Variants in RAD21L1 observed in about 807,000 individuals in gnomAD.
RAD21L1 encodes RAD21 cohesin complex component like 1.
A neutral mutation model predicts 69.0 loss-of-function variants in RAD21L1; 47 were observed. That is an observed-to-expected ratio of 0.68 (90% CI 0.54 to 0.87). The LOEUF (loss-of-function observed/expected upper bound fraction) is 0.87, where lower values mean the gene tolerates loss of function less well. Ranked by LOEUF, RAD21L1 falls within the 40% of genes least tolerant of loss-of-function variation. The probability of loss-of-function intolerance (pLI) is 0.00; values close to 1 mark genes in which losing one functional copy is unlikely to be tolerated. For synonymous variants in RAD21L1, 177 were observed against 205.8 expected (o/e 0.86, Z 1.20); for missense variants, 583 against 647.6 (o/e 0.90, Z 1.08).
intron 2 of RAD21L1, among the ~76,000 whole-genome samples, chr20:1,228,825 G>A (rs1188507465): frequency 6.6e-6 from 1 of 152,118 alleles, no homozygotes; most frequent in Non-Finnish European, 1.5e-5. Context: ...AAGGGACAAA[G>A]GCCATATTTT....
At chr20:1,242,481 C>T in intron 8 of RAD21L1, 138 bp from the exon 9 acceptor site, 1 of 676,586 alleles carries the variant, frequency 1.5e-6, no homozygotes, top group South Asian at 1.8e-5. Context: ...AATCCGCCCA[C>T]CTCAGCCTCT....
At chr20:1,251,421 C>T (rs2087830613) in intron 13 of RAD21L1, among the ~76,000 whole-genome samples, 3 of 149,386 alleles carry the variant, frequency 2.0e-5, no homozygotes, top group Admixed American at 1.3e-4. Flanking sequence ...TTCTTTTATA[C>T]AGAAATTTCA....
At position 1,243,175 on chromosome 20, in the gene RAD21L1, G is replaced by A; in HGVS notation, c.1162G>A (p.Val388Met). Residue 388 changes from valine (V) to methionine (M), a missense_variant, in exon 10 of 14, where the codon GTG becomes ATG. By Grantham distance (21) the Val-to-Met change is conservative. Coordinates refer to ENST00000683101, the MANE Select transcript of RAD21L1 (RefSeq NM_001384355.1). ...ACAGAAGGAGTCAGTAAGGGAAGAA[G>A]TGGGAAACCAAAATATAGTAGGTGA... ...MIQKESVREE[V>M]GNQNIVETSM... 1 of 1,526,650 alleles carries A rather than the reference G, an allele frequency of 6.6e-7. No individual in the cohort carries two copies. Among genetic ancestry groups the A allele is most frequent in the South Asian group, 1.2e-5 (1 of 80,846 alleles). 94.6% of individuals were successfully genotyped at this position (1,526,650 alleles called of 1,614,324 possible).
At chr20:1,247,957 C>G (rs894584910) in intron 12 of RAD21L1, among the ~76,000 whole-genome samples, 2 of 146,242 alleles carry the variant, frequency 1.4e-5, no homozygotes, top group African/African-American at 5.1e-5. Flanking sequence ...AGTTTCTGTT[C>G]TCACATCATA....
intron 12 of RAD21L1, among the ~76,000 whole-genome samples, chr20:1,247,387 G>T (rs990731098): frequency 6.6e-6 from 1 of 152,062 alleles, no homozygotes; most frequent in Non-Finnish European, 1.5e-5. Flanking sequence ...TTAACAAAGA[G>T]GTTTTTACAT....
chr20:1,235,218 T>C (rs1223522797), intron 5 of RAD21L1, among the ~76,000 whole-genome samples: 1 of 152,170 alleles, frequency 6.6e-6, no homozygotes, highest in African/African-American at 2.4e-5. Flanking sequence ...TTTCCTATAG[T>C]GCCCAAAACA....
chr20:1,254,475 A>G lies in RAD21L1; in HGVS notation c.*18A>G, dbSNP rs796427722. The G allele has an allele frequency of 3.4e-6, 5 of 1,451,496 alleles. No homozygotes were observed. In the African/African-American group the frequency reaches 4.3e-5, roughly 12 times the overall value. The allele number at this position is 1,451,496 out of a possible 1,614,324, so 89.9% of individuals were successfully genotyped here. ...ACATATGAAGGAAACCCAGACATACAGATTTATGGCATCACTGGAATTTCT... is the reference window on the plus strand; with the variant it reads ...ACATATGAAGGAAACCCAGACATACGGATTTATGGCATCACTGGAATTTCT... On this transcript the variant is annotated 3_prime_UTR_variant, in exon 14 of 14. Transcript: ENST00000683101.
intron 4 of RAD21L1, 122 bp downstream of exon 4, chr20:1,231,741 A>G: frequency 3.4e-6 from 2 of 592,224 alleles, no homozygotes; most frequent in Admixed American, 3.4e-5. Flanking sequence ...TAATTGATAA[A>G]GACTTATATT....
intron 13 of RAD21L1, among the ~76,000 whole-genome samples, chr20:1,251,465 C>A (rs1001520870): frequency 6.7e-6 from 1 of 149,370 alleles, no homozygotes; most frequent in African/African-American, 2.5e-5. Flanking sequence ...TTAAAAATTT[C>A]TTGGACTTTC....
At chr20:1,230,518 C>T (rs1235734242) in intron 3 of RAD21L1, 3 of 647,302 alleles carry the variant, frequency 4.6e-6, no homozygotes, top group Non-Finnish European at 5.8e-6. Context: ...ATCTGTTTCA[C>T]TTTGAAGACA....
In RAD21L1 at chr20:1,254,518, T is replaced by G. The variant is rs929988275; in HGVS notation, c.*61T>G. 7 of 1,226,562 alleles carry G rather than the reference T, an allele frequency of 5.7e-6. No homozygotes were observed. The African/African-American group carries it at 1.1e-4, about 19-fold the overall frequency. The allele number at this position is 1,226,562 out of a possible 1,614,324, so 76.0% of individuals were successfully genotyped here. On this transcript the variant is annotated 3_prime_UTR_variant, in exon 14 of 14. Coordinates refer to ENST00000683101, the MANE Select transcript of RAD21L1 (RefSeq NM_001384355.1). Reference sequence around the variant, plus strand: ...GAATTTCTGTGTAGATTGTTCAATTTAATGCAGAAGCCATCTGGAAGCAGC... The same window carrying G: ...GAATTTCTGTGTAGATTGTTCAATTGAATGCAGAAGCCATCTGGAAGCAGC...
chr20:1,245,715 G>A (rs1020599375), intron 11 of RAD21L1, among the ~76,000 whole-genome samples: 2 of 151,900 alleles, frequency 1.3e-5, no homozygotes, highest in Non-Finnish European at 2.9e-5. Flanking sequence ...CCTTTTGCCC[G>A]TGACAGCTCC....
intron 12 of RAD21L1, among the ~76,000 whole-genome samples, chr20:1,248,306 GT>G (rs1185705119): frequency 6.6e-6 from 1 of 152,018 alleles, no homozygotes; most frequent in Non-Finnish European, 1.5e-5. Context: ...CTAGGCAAAA[GT>G]TGTTGTCTTT....
rs1040145226 is a variant in RAD21L1 at position 1,229,874 on chromosome 20, T to A, written c.145-6T>A. 2 of 1,544,278 alleles carry A rather than the reference T, an allele frequency of 1.3e-6. No homozygotes were observed. The highest frequency in any genetic ancestry group is 2.7e-5 in the African/African-American group (2 of 72,910). The stretch of plus-strand genomic sequence containing the variant: ...ACTCTTCTAATACTTCAAAAATTAT[T>A]GAAAGGTGAAAATAGCACTTCGAAC... On this transcript the variant is annotated splice_region_variant and splice_polypyrimidine_tract_variant and intron_variant, in intron 2 of 13. Transcript: ENST00000683101.
Position 1,246,455 on chromosome 20 carries a change from AAT to A in RAD21L1, c.1401+152_1401+153del. 2 of 404,758 alleles carry A rather than the reference AAT, an allele frequency of 4.9e-6. No individual in the cohort carries two copies. The highest frequency in any genetic ancestry group is 8.8e-6 in the Non-Finnish European group (2 of 227,870). 25.1% of individuals were successfully genotyped at this position (404,758 alleles called of 1,614,324 possible). On this transcript the variant is annotated intron_variant, in intron 12 of 13. Transcript: ENST00000683101. This position sits in a 1 kb window ranked among gnomAD's most constrained non-coding sequence, Gnocchi z 4.6. ...TGTGATTACAACAGAGATGTTTGTGAATAGTTTGATAAAATATTCTGAATTGC... is the reference window on the plus strand; with the variant it reads ...TGTGATTACAACAGAGATGTTTGTGAAGTTTGATAAAATATTCTGAATTGC...
At chr20:1,233,125 A>G (rs1414592119) in intron 4 of RAD21L1, among the ~76,000 whole-genome samples, 1 of 152,166 alleles carries the variant, frequency 6.6e-6, no homozygotes, top group Non-Finnish European at 1.5e-5. Context: ...TACCCAATCT[A>G]AGTTATTTTA....
intron 4 of RAD21L1, among the ~76,000 whole-genome samples, chr20:1,232,204 C>G (rs1357725061): frequency 1.3e-5 from 2 of 152,152 alleles, no homozygotes; most frequent in East Asian, 3.8e-4. Flanking sequence ...AAGTGAGACT[C>G]TAGCGGAGTA....
chr20:1,245,026 C>T (rs997188944), intron 11 of RAD21L1, among the ~76,000 whole-genome samples: 4 of 152,030 alleles, frequency 2.6e-5, no homozygotes, highest in African/African-American at 4.8e-5. Flanking sequence ...GTGTACCTAC[C>T]GAAAATTATG....
intron 5 of RAD21L1, among the ~76,000 whole-genome samples, chr20:1,236,074 ACTTTTAACTATACTTTCTGTCAG>A (rs1193397057): frequency 2.0e-5 from 3 of 152,180 alleles, no homozygotes; most frequent in African/African-American, 4.8e-5. Context: ...GGCCAGGATC[ACTTTTAACTATACTTTCTGTCAG>A]CTTCATACTA....
Sources: allele counts gnomAD v4.1 joint callset (sites outside exome capture counted in the v4.1 genomes callset), GRCh38; gene constraint gnomAD v4.1.1; non-coding constraint Gnocchi (gnomAD v3.1); transcripts MANE v1.5; gene names NCBI Gene and HGNC (gene_info 2026-07-23, HGNC 2026-07-21).